DPYD: variants seen among roughly 807,000 people sequenced by gnomAD.
The protein encoded by DPYD is dihydropyrimidine dehydrogenase [NADP(+)].
A neutral mutation model predicts 116.2 loss-of-function variants in DPYD; 109 were observed. The observed-to-expected ratio is 0.94, with a 90% CI of 0.80 to 1.10. The LOEUF is 1.10. Among genes scored for constraint, DPYD ranks in the 50% least tolerant of loss-of-function variants. The probability of loss-of-function intolerance (pLI) is 0.00; values close to 1 mark genes in which losing one functional copy is unlikely to be tolerated. For missense variants in DPYD, 1,302 were observed against 1,254.5 expected, an observed-to-expected ratio of 1.04 and a Z score of -0.57; for synonymous variants, 440 against 432.0, an observed-to-expected ratio of 1.02 and a Z score of -0.23.
intron 20 of DPYD, among the ~76,000 whole-genome samples, chr1:97,118,518 A>G (rs145766199): frequency 6.6e-6 from 1 of 152,238 alleles, no homozygotes; most frequent in East Asian, 1.9e-4. Flanking sequence ...TGGGGCAGGA[A>G]CTGAGGAGGG....
rs1319197795 is a variant in DPYD, at chr1:97,878,967, T to C, written c.150+4297A>G. ...AAGAAAAAAAAATTATCAAAACCCA[T>C]ATATTATTTAGTTATTTTCATTGTC... is the stretch of plus-strand genomic sequence containing the variant. On this transcript the variant is annotated intron_variant, in intron 2 of 22. Transcript: ENST00000370192. Among the ~76,000 whole-genome samples, 6 of 151,920 alleles carry C rather than the reference T, an allele frequency of 3.9e-5. No individual in the cohort carries two copies. The East Asian group carries it at 1.2e-3, about 30-fold the overall frequency.
chr1:97,585,561 A>G (rs1300743798), intron 10 of DPYD, among the ~76,000 whole-genome samples: 1 of 152,212 alleles, frequency 6.6e-6, no homozygotes, highest in Middle Eastern at 3.2e-3. Flanking sequence ...GAATTTTAGA[A>G]AAAAATTTTA....
At chr1:97,272,714 A>G (rs2100898918) in intron 18 of DPYD, among the ~76,000 whole-genome samples, 1 of 152,256 alleles carries the variant, frequency 6.6e-6, no homozygotes, top group Admixed American at 6.5e-5. Flanking sequence ...CACTCAGTTC[A>G]AGCTTTTTTT....
chr1:97,832,065 G>GTGTGTGTC (rs1669568400), intron 2 of DPYD, among the ~76,000 whole-genome samples: 1 of 151,276 alleles, frequency 6.6e-6, no homozygotes, highest in South Asian at 2.1e-4. Context: ...GTGTGTGTGT[G>GTGTGTGTC]TGTGTGTGTG....
chr1:97,654,143 T>G (rs937314613), intron 8 of DPYD, among the ~76,000 whole-genome samples: 2 of 152,194 alleles, frequency 1.3e-5, no homozygotes, highest in South Asian at 2.1e-4. Flanking sequence ...CAGGGCCAAA[T>G]AGATTACAGA....
At chr1:97,734,684 T>C (rs543038129) in intron 4 of DPYD, among the ~76,000 whole-genome samples, 83 of 152,304 alleles carry the variant, frequency 5.4e-4, no homozygotes, top group Middle Eastern at 6.8e-3. Flanking sequence ...AAGTCATGAA[T>C]AGGCATGTCC....
intron 8 of DPYD, among the ~76,000 whole-genome samples, chr1:97,666,554 G>A (rs1659572476): frequency 1.3e-5 from 2 of 151,898 alleles, no homozygotes; most frequent in Admixed American, 1.3e-4. Flanking sequence ...TACTTTAAAA[G>A]GACAAAACAC....
chr1:97,914,008 G>T (rs1674095409), intron 1 of DPYD, among the ~76,000 whole-genome samples: 1 of 152,102 alleles, frequency 6.6e-6, no homozygotes, highest in African/African-American at 2.4e-5. Flanking sequence ...AGTCAAGAGT[G>T]CCTCAAGGGG....
At chr1:97,353,409 G>A (rs1209604363) in intron 16 of DPYD, among the ~76,000 whole-genome samples, 1 of 152,110 alleles carries the variant, frequency 6.6e-6, no homozygotes, top group Non-Finnish European at 1.5e-5. Context: ...TGAAGAAGGG[G>A]TGTATTAACT....
chr1:97,619,463 C>T (rs1442997477), intron 8 of DPYD, among the ~76,000 whole-genome samples: 3 of 152,046 alleles, frequency 2.0e-5, no homozygotes, highest in Admixed American at 6.6e-5. Context: ...CTTAAGCATA[C>T]GTTTGTACTT....
intron 20 of DPYD, among the ~76,000 whole-genome samples, chr1:97,157,139 A>G (rs1655527793): frequency 1.4e-5 from 2 of 147,248 alleles, no homozygotes; most frequent in Non-Finnish European, 3.0e-5. Flanking sequence ...AGGGGGGAGG[A>G]TAGCATTAGG....
intron 12 of DPYD, among the ~76,000 whole-genome samples, chr1:97,534,525 T>C (rs1013496246): frequency 1.1e-4 from 17 of 152,290 alleles, no homozygotes; most frequent in African/African-American, 3.4e-4. Context: ...TGCCATTAAC[T>C]AGTTTTAACA....
rs771930534 is a variant in DPYD at position 97,098,493 on chromosome 1, A to T, written c.2762T>A (p.Ile921Asn). 8 of 1,612,586 alleles carry T rather than the reference A, an allele frequency of 5.0e-6. No homozygotes were observed. The highest frequency in any genetic ancestry group is 1.1e-5 in the South Asian group (1 of 91,044). The change falls in exon 21 of 23, where the codon ATC (isoleucine) becomes AAC (asparagine). Residue 921 changes from isoleucine to asparagine, a missense_variant. Coordinates refer to ENST00000370192, the MANE Select transcript of DPYD (RefSeq NM_000110.4). The part of the protein sequence containing the change: ...CFIPKRPIPT[I>N]KDVIGKALQY... ...TATAGTTGGCATAATTTTTACCTTG[A>T]TGGTAGGAATAGGCCTTTTGGGGAT...
chr1:97,401,291 T>C (rs1000566155), intron 14 of DPYD, among the ~76,000 whole-genome samples: 4 of 152,056 alleles, frequency 2.6e-5, no homozygotes, highest in Admixed American at 6.6e-5. Flanking sequence ...TGACATTATC[T>C]TTCACTGAGC....
chr1:97,297,280 C>T (rs1357404105), intron 18 of DPYD, among the ~76,000 whole-genome samples: 1 of 152,156 alleles, frequency 6.6e-6, no homozygotes, highest in Non-Finnish European at 1.5e-5. Context: ...CTTATCATCA[C>T]TCCTGTATAA....
chr1:97,392,364 T>C (rs2101605637), intron 14 of DPYD, among the ~76,000 whole-genome samples: 1 of 152,072 alleles, frequency 6.6e-6, no homozygotes, highest in South Asian at 2.1e-4. Flanking sequence ...TTTCCTTCTT[T>C]TTTTTTTCTA....
chr1:97,476,216 C>G (rs944647256), intron 13 of DPYD, among the ~76,000 whole-genome samples: 5 of 152,166 alleles, frequency 3.3e-5, no homozygotes, highest in Non-Finnish European at 7.3e-5. Flanking sequence ...ACAGATTCAT[C>G]TCAGATCCTT....
At chr1:97,285,680 T>G (rs1665627106) in intron 18 of DPYD, among the ~76,000 whole-genome samples, 1 of 121,014 alleles carries the variant, frequency 8.3e-6, no homozygotes, top group Non-Finnish European at 1.7e-5. Flanking sequence ...TATTGTTCCT[T>G]TAATTTTTTT....
In DPYD at chr1:97,562,088, T is replaced by A. The variant is rs191852667; in HGVS notation, c.1339+11672A>T. Among the ~76,000 whole-genome samples, 20 of 152,368 alleles carry A rather than the reference T, an allele frequency of 1.3e-4. No homozygotes were observed. In the East Asian group the frequency reaches 3.7e-3, roughly 28 times the overall value. On this transcript the variant is annotated intron_variant, in intron 11 of 22. Transcript: ENST00000370192. ...TTAGAGAACCTAAAAGAATCTTGTA[T>A]AATTAATACAAAACACATATAATAA...
Sources: allele counts gnomAD v4.1 joint callset (sites outside exome capture counted in the v4.1 genomes callset), GRCh38; gene constraint gnomAD v4.1.1; transcripts MANE v1.5; gene names NCBI Gene and HGNC (gene_info 2026-07-23, HGNC 2026-07-21).